The following SMPX variants were observed in gnomAD, a reference collection of about 807,000 sequenced individuals.
The protein encoded by SMPX is small muscular protein.
Under a neutral mutation model 6.3 loss-of-function variants are expected in SMPX, and 2 were observed. That is an observed-to-expected ratio of 0.32 (90% confidence interval 0.13 to 0.99). SMPX has a LOEUF of 0.99. Ranked by LOEUF, SMPX falls within the 50% of genes least tolerant of loss-of-function variation. SMPX has a pLI of 0.49. For synonymous variants in SMPX, 32 were observed against 24.7 expected, an observed-to-expected ratio of 1.30 and a Z score of -0.88; for missense variants, 60 against 66.8, an observed-to-expected ratio of 0.90 and a Z score of 0.36.
chrX:21,735,911 A>G (rs1045943550), intron 4 of SMPX, among the ~76,000 whole-genome samples: 3 of 111,290 alleles, frequency 2.7e-5, no homozygotes, highest in South Asian at 3.8e-4. Flanking sequence ...TCAGTCATCA[A>G]TTTGTTCCAT....
chrX:21,746,721 C>T (rs1302517894), intron 2 of SMPX, among the ~76,000 whole-genome samples: 1 of 101,507 alleles, frequency 9.9e-6, no homozygotes. Flanking sequence ...GTCGAACATT[C>T]GATCATAATG....
In SMPX at chrX:21,751,239, A is replaced by G. The variant is rs3788755; in HGVS notation, c.45+3007T>C. Among the ~76,000 whole-genome samples, 622 of 112,457 alleles carry G rather than the reference A, an allele frequency of 5.5e-3. 14 individuals are homozygous for G. The highest frequency in any genetic ancestry group is 0.042 in the Admixed American group (446 of 10,634). ...GCCCTCTTGGAAATAACTTGATGCC[A>G]TTAGCAAGTTGTGGACTCTGAGAAA... On this transcript the variant is annotated intron_variant, in intron 2 of 4. Coordinates refer to ENST00000379494, the MANE Select transcript of SMPX (RefSeq NM_014332.3).
chrX:21,707,371 A>T (rs749809842), intron 4 of SMPX, among the ~76,000 whole-genome samples: 1 of 112,161 alleles, frequency 8.9e-6, no homozygotes, highest in African/African-American at 3.2e-5. Flanking sequence ...AATGTAAATG[A>T]ACTATGGGTA....
chrX:21,707,051 G>A (rs893107459), intron 4 of SMPX, among the ~76,000 whole-genome samples: 2 of 107,984 alleles, frequency 1.9e-5, no homozygotes, highest in South Asian at 8.3e-4. Flanking sequence ...TTCCTCTTAT[G>A]TATCTGAAAT....
chrX:21,726,142 C>T (rs2092796635), intron 4 of SMPX, among the ~76,000 whole-genome samples: 1 of 111,952 alleles, frequency 8.9e-6, no homozygotes, highest in Non-Finnish European at 1.9e-5. Flanking sequence ...TGAATTACTA[C>T]GTGCCAGAGC....
chrX:21,754,668 A>T (rs1425636251), intron 1 of SMPX, among the ~76,000 whole-genome samples: 1 of 112,459 alleles, frequency 8.9e-6, no homozygotes, highest in Non-Finnish European at 1.9e-5. Flanking sequence ...CGGGCCTCTG[A>T]AGTTCTTGGC....
intron 4 of SMPX, among the ~76,000 whole-genome samples, chrX:21,715,023 G>T (rs978011799): frequency 3.6e-5 from 4 of 110,845 alleles, no homozygotes; most frequent in Admixed American, 9.6e-5. Flanking sequence ...TCTTTAAAAA[G>T]CTGCCGGGGG....
At chrX:21,739,931 T>G (rs1484259004) in intron 3 of SMPX, among the ~76,000 whole-genome samples, 1 of 112,222 alleles carries the variant, frequency 8.9e-6, no homozygotes, top group Non-Finnish European at 1.9e-5. Context: ...TATGCAAAAA[T>G]TTTTGCAGTG....
intron 1 of SMPX, among the ~76,000 whole-genome samples, chrX:21,756,641 G>C (rs1355815441): frequency 8.9e-6 from 1 of 112,593 alleles, no homozygotes; most frequent in Non-Finnish European, 1.9e-5. Context: ...CTGTTTCCCT[G>C]CCCCTGCAGT....
intron 4 of SMPX, among the ~76,000 whole-genome samples, chrX:21,719,009 G>T (rs368142365): frequency 1.4e-4 from 16 of 112,282 alleles, no homozygotes; most frequent in Non-Finnish European, 2.8e-4. Flanking sequence ...ACTTTAAAAC[G>T]TGTGTGTATG....
intron 4 of SMPX, among the ~76,000 whole-genome samples, chrX:21,732,959 C>T (rs2147384331): frequency 9.0e-6 from 1 of 111,395 alleles, no homozygotes; most frequent in African/African-American, 3.3e-5. Context: ...GAAGAGAACC[C>T]TCACCAAAAC....
At chrX:21,722,312 G>A (rs1393965071) in intron 4 of SMPX, among the ~76,000 whole-genome samples, 2 of 112,455 alleles carry the variant, frequency 1.8e-5, no homozygotes, top group Middle Eastern at 4.3e-3. Context: ...ATACTTGAAT[G>A]AAAATTATCA....
Position 21,737,668 on chromosome X carries a change from C to T in SMPX, c.162G>A (p.Lys54=). The T allele has an allele frequency of 8.3e-7, 1 of 1,210,831 alleles. No homozygotes were observed. Among genetic ancestry groups the T allele is most frequent in the Non-Finnish European group, 1.1e-6 (1 of 894,542 alleles). The part of the protein sequence containing the change: ...EGVPPTSDEE[K]KPIPGAKKLP... Reference sequence around the variant, plus strand: ...GTTTCTTCGCTCCTGGAATTGGCTTCTTCTCCTCATCCGAGGTGGGAGGAA... The same window carrying T: ...GTTTCTTCGCTCCTGGAATTGGCTTTTTCTCCTCATCCGAGGTGGGAGGAA... Residue 54 remains lysine (K), a synonymous_variant, in exon 4 of 5, where the codon AAG becomes AAA. Transcript: ENST00000379494.
At chrX:21,715,303 T>TGTGTGCGCGC (rs1175730294) in intron 4 of SMPX, among the ~76,000 whole-genome samples, 6 of 86,081 alleles carry the variant, frequency 7.0e-5, no homozygotes, top group African/African-American at 3.6e-4. Flanking sequence ...TGTGTGTGTG[T>TGTGTGCGCGC]GCGCGCACGC....
At chrX:21,711,431 G>C (rs1447238064) in intron 4 of SMPX, among the ~76,000 whole-genome samples, 1 of 111,843 alleles carries the variant, frequency 8.9e-6, no homozygotes, top group African/African-American at 3.3e-5. Flanking sequence ...GATGGGGAAG[G>C]TATGGCAACC....
At chrX:21,723,539 G>C (rs2092793877) in intron 4 of SMPX, among the ~76,000 whole-genome samples, 2 of 112,164 alleles carry the variant, frequency 1.8e-5, no homozygotes, top group Admixed American at 9.4e-5. Flanking sequence ...AGCCAAAATT[G>C]TTTTGATTTT....
chrX:21,728,134 C>T (rs1322958821), intron 4 of SMPX, among the ~76,000 whole-genome samples: 1 of 109,243 alleles, frequency 9.2e-6, no homozygotes, highest in Non-Finnish European at 1.9e-5. Context: ...GGGCAAAGTC[C>T]ATGTCATCCC....
At chrX:21,740,130 G>A (rs2092814503) in intron 3 of SMPX, among the ~76,000 whole-genome samples, 1 of 111,336 alleles carries the variant, frequency 9.0e-6, no homozygotes, top group Non-Finnish European at 1.9e-5. Context: ...AGGAAGAAGG[G>A]GGTTAATGGT....
chrX:21,743,398 C>T (rs187277437), intron 3 of SMPX, among the ~76,000 whole-genome samples: 1 of 105,890 alleles, frequency 9.4e-6, no homozygotes, highest in Non-Finnish European at 1.9e-5. Context: ...AGGCTTTATC[C>T]TCCCCACCAC....
Sources: gnomAD v4.1 joint callset for allele counts (sites outside exome capture counted in the v4.1 genomes callset) on GRCh38, gnomAD v4.1.1 for gene constraint, MANE v1.5 for transcripts, NCBI Gene and HGNC (gene_info 2026-07-23, HGNC 2026-07-21) for gene names.